Variants in UBXN2B observed in about 807,000 individuals in gnomAD.
UBXN2B encodes UBX domain-containing protein 2B.
A neutral mutation model predicts 37.5 loss-of-function variants in UBXN2B; 19 were observed. The ratio of observed to expected loss-of-function variants is 0.51; its 90% CI spans 0.35 to 0.74. The LOEUF is 0.74. UBXN2B is among the 30% of genes least tolerant of loss of function. The pLI is 0.01. For missense variants in UBXN2B, 370 were observed against 393.2 expected (o/e 0.94, Z 0.50); for synonymous variants, 145 against 143.8 (o/e 1.01, Z -0.06).
intron 4 of UBXN2B, 28 bp from the exon 5 acceptor site, chr8:58,434,367 A>ATTTT (rs781776995): frequency 2.3e-6 from 1 of 442,898 alleles, no homozygotes; most frequent in African/African-American, 2.6e-5. Context: ...ATATATATAT[A>ATTTT]TATTTTTTTT....
At chr8:58,442,594 C>T (rs1297455755) in intron 6 of UBXN2B, among the ~76,000 whole-genome samples, 5 of 152,186 alleles carry the variant, frequency 3.3e-5, no homozygotes, top group African/African-American at 1.2e-4. Flanking sequence ...AACCAAAATG[C>T]TGTAAAAATG....
Position 58,411,400 on chromosome 8 carries a change from A to G in UBXN2B, c.15A>G (p.Gly5=). 7.9e-7 allele frequency: 1 copy of G among 1,269,248 alleles called. No individual in the cohort carries two copies. Among genetic ancestry groups the G allele is most frequent in the Non-Finnish European group, 1.0e-6 (1 of 1,002,988 alleles). 78.6% of individuals were successfully genotyped at this position (1,269,248 alleles called of 1,614,324 possible). The change falls in exon 1 of 8, where the codon GGA becomes GGG. Residue 5 remains glycine (G), a synonymous_variant. Transcript: ENST00000399598. The stretch of plus-strand genomic sequence containing the variant: ...GCCAGCGGAAGATGGCGGAGGGCGG[A>G]GGCCCTGAGCCCGGCGAGCAGGAGA... The part of the protein sequence containing the change: MAEG[G]GPEPGEQERR...
chr8:58,429,163 C>T (rs989287222), intron 2 of UBXN2B, among the ~76,000 whole-genome samples: 3 of 152,158 alleles, frequency 2.0e-5, no homozygotes, highest in African/African-American at 7.2e-5. Context: ...AATGATTATT[C>T]ACTTTGCCAG....
intron 3 of UBXN2B, among the ~76,000 whole-genome samples, chr8:58,432,736 C>A (rs1000078717): frequency 6.6e-6 from 1 of 152,076 alleles, no homozygotes; most frequent in Non-Finnish European, 1.5e-5. Flanking sequence ...CGAACAGTTA[C>A]GTGTCTTTTG....
intron 5 of UBXN2B, 83 bp from the exon 6 acceptor site, chr8:58,439,550 C>T (rs1808494078): frequency 2.7e-6 from 4 of 1,469,364 alleles, no homozygotes; most frequent in Non-Finnish European, 3.6e-6. Flanking sequence ...CAGTGTAGCT[C>T]ATGAAATAAT....
intron 6 of UBXN2B, among the ~76,000 whole-genome samples, chr8:58,444,233 CTT>C (rs964093710): frequency 6.6e-6 from 1 of 151,692 alleles, no homozygotes; most frequent in Non-Finnish European, 1.5e-5. Flanking sequence ...TTGGGGGTAA[CTT>C]TTTTTTTCCA....
intron 2 of UBXN2B, chr8:58,426,668 C>T: frequency 1.4e-6 from 1 of 735,260 alleles, no homozygotes; most frequent in Non-Finnish European, 2.6e-6. Flanking sequence ...TTGGGTGAAA[C>T]CATCTCTACA....
Position 58,447,534 on chromosome 8 carries a change from C to G in UBXN2B, c.979C>G (p.Leu327Val), listed in dbSNP as rs200167918. 6.2e-7 allele frequency: 1 copy of G among 1,609,998 alleles called. No homozygotes were observed. Among genetic ancestry groups the G allele is most frequent in the Non-Finnish European group, 8.5e-7 (1 of 1,177,670 alleles). Residue 327 changes from leucine to valine, a missense_variant, in exon 8 of 8, where the codon CTC (leucine) becomes GTC (valine). Physicochemically the swap from Leu to Val is conservative, Grantham distance 32 (BLOSUM62 1). Transcript: ENST00000399598. ...LEADILNTVLLQQLK is the reference protein window; with the variant it reads ...LEADILNTVLVQQLK ...AGCAGATATTCTTAACACTGTGTTA[C>G]TCCAGCAACTAAAATAATATTGTTC... is the stretch of plus-strand genomic sequence containing the variant.
chr8:58,435,214 C>CT, intron 5 of UBXN2B: 6 of 1,093,620 alleles, frequency 5.5e-6, no homozygotes, highest in Non-Finnish European at 5.9e-6. Context: ...CTGTATATAA[C>CT]CAGAGTTATA....
At chr8:58,414,766 C>T (rs1017965980) in intron 1 of UBXN2B, among the ~76,000 whole-genome samples, 1 of 151,954 alleles carries the variant, frequency 6.6e-6, no homozygotes, top group Admixed American at 6.6e-5. Context: ...AATGATGTAC[C>T]GTTAATAACT....
At chr8:58,411,514 C>T (rs892178061) in intron 1 of UBXN2B, 45 bp downstream of exon 1, 2 of 1,238,274 alleles carry the variant, frequency 1.6e-6, no homozygotes, top group South Asian at 7.2e-5. Context: ...TGGACGCGGG[C>T]TGGTGACGGC....
chr8:58,425,968 AC>A, intron 2 of UBXN2B: 1 of 1,440,662 alleles, frequency 6.9e-7, no homozygotes, highest in Non-Finnish European at 9.8e-7. Flanking sequence ...CAAGAAAACT[AC>A]CATGTTTTCC....
At chr8:58,433,122 T>A (rs779350935) in intron 3 of UBXN2B, 38 bp from the exon 4 acceptor site, 2 of 1,483,248 alleles carry the variant, frequency 1.3e-6, no homozygotes, top group Admixed American at 1.8e-5. Context: ...TGCTGAATAA[T>A]CCTTTGTGAA....
In UBXN2B at chr8:58,438,332, G is replaced by C. The variant is rs1808465162; in HGVS notation, c.534-1301G>C. 3.9e-5 allele frequency among the ~76,000 whole-genome samples: 6 copies of C among 152,182 alleles called. No individual in the cohort carries two copies. In the South Asian group the frequency reaches 1.2e-3, roughly 31 times the overall value. On this transcript the variant is annotated intron_variant, in intron 5 of 7. Transcript: ENST00000399598. ...CTAGTGGAGCTGTTGGAAGGGAGGTGCCACCTCCAGACCCAGGAATGGTGG... is the reference window on the plus strand; with the variant it reads ...CTAGTGGAGCTGTTGGAAGGGAGGTCCCACCTCCAGACCCAGGAATGGTGG...
At chr8:58,434,361 A>C in intron 4 of UBXN2B, 34 bp from the exon 5 acceptor site, 2 of 561,710 alleles carry the variant, frequency 3.6e-6, no homozygotes, top group Non-Finnish European at 4.9e-6. Context: ...ATATATATAT[A>C]TATATATATT....
At chr8:58,425,554 T>C in intron 2 of UBXN2B, 1 of 1,068,168 alleles carries the variant, frequency 9.4e-7, no homozygotes, top group South Asian at 1.3e-5. Flanking sequence ...TTTGTTTTTG[T>C]TTTCTTGCCT....
chr8:58,447,394 T>C lies in UBXN2B; in HGVS notation c.839T>C (p.Leu280Pro). ...IQRFNSTHRILDVRNFIVQSR... is the reference protein window; with the variant it reads ...IQRFNSTHRIPDVRNFIVQSR... ...TTTTTGTCTTATTTCTTCAGGATCC[T>C]GGATGTCCGGAACTTTATTGTACAG... Residue 280 changes from leucine (L) to proline (P), a missense_variant, in exon 8 of 8, where the codon CTG becomes CCG. Physicochemically the swap from Leu to Pro is moderately conservative, Grantham distance 98 (BLOSUM62 -3). Around this residue, in one of 3 missense-constraint regions of UBXN2B, gnomAD observed 83 missense variants for 83.5 expected, o/e 0.99. Coordinates refer to ENST00000399598, the MANE Select transcript of UBXN2B (RefSeq NM_001077619.2). 1 of 1,589,416 alleles carries C rather than the reference T, an allele frequency of 6.3e-7. No homozygotes were observed. The highest frequency in any genetic ancestry group is 8.6e-7 in the Non-Finnish European group (1 of 1,167,400).
rs1343650297 is a variant in UBXN2B at position 58,448,766 on chromosome 8, T to C, written c.*1215T>C. The C allele has an allele frequency of 6.6e-6, 1 of 152,614 alleles. No homozygotes were observed. The highest frequency in any genetic ancestry group is 1.5e-5 in the Non-Finnish European group (1 of 68,036). 9.5% of individuals were successfully genotyped at this position (152,614 alleles called of 1,614,324 possible). On this transcript the variant is annotated 3_prime_UTR_variant, in exon 8 of 8. Transcript: ENST00000399598. ...TTCTGCTGAAGCCAGAAGCTTTTCC[T>C]TCTTCCTAGACACCATTTCATCCTT...
In UBXN2B at chr8:58,448,254, A is replaced by G. The variant is rs1392986165; in HGVS notation, c.*703A>G. The stretch of plus-strand genomic sequence containing the variant: ...AATGGCATAATTTCTGCTCACCGCA[A>G]CCTCCGCCTCCCAGGTTCAAAAGAT... On this transcript the variant is annotated 3_prime_UTR_variant, in exon 8 of 8. Coordinates refer to ENST00000399598, the MANE Select transcript of UBXN2B (RefSeq NM_001077619.2). 1.3e-5 allele frequency: 2 copies of G among 151,450 alleles called. No homozygotes were observed. Among genetic ancestry groups the G allele is most frequent in the African/African-American group, 4.9e-5 (2 of 41,128 alleles). The allele number at this position is 151,450 out of a possible 1,614,324, so 9.4% of individuals were successfully genotyped here. A position where few individuals can be genotyped will look rare whatever the true frequency, so the allele number is the denominator to read the frequency against.
Sources: allele counts gnomAD v4.1 joint callset (sites outside exome capture counted in the v4.1 genomes callset), GRCh38; gene constraint gnomAD v4.1.1; regional missense constraint gnomAD v4.1.1; transcripts MANE v1.5; gene names NCBI Gene and HGNC (gene_info 2026-07-23, HGNC 2026-07-21).